Variants in CAPN13 observed in about 807,000 individuals in gnomAD.
CAPN13 encodes calpain-13.
In CAPN13, 90 loss-of-function variants were observed where a neutral mutation model predicts 98.4. That is an observed-to-expected ratio of 0.92 (90% CI 0.77 to 1.09). The LOEUF (loss-of-function observed/expected upper bound fraction) is 1.09, where lower values mean the gene tolerates loss of function less well. Among genes scored for constraint, CAPN13 ranks in the 50% least tolerant of loss-of-function variants. CAPN13 has a pLI of 0.00. For missense variants in CAPN13, 887 were observed against 841.3 expected, an observed-to-expected ratio of 1.05 and a Z score of -0.67; for synonymous variants, 330 against 305.5, an observed-to-expected ratio of 1.08 and a Z score of -0.84.
chr2:30,754,453 G>C, intron 8 of CAPN13, 89 bp from the exon 9 acceptor site: 1 of 1,076,136 alleles, frequency 9.3e-7, no homozygotes, highest in Non-Finnish European at 1.3e-6. Context: ...CTCTGTACAT[G>C]TCACCATTCC....
intron 1 of CAPN13, among the ~76,000 whole-genome samples, chr2:30,796,765 C>T (rs369097575): frequency 2.0e-4 from 31 of 152,228 alleles, no homozygotes; most frequent in East Asian, 7.7e-4. Flanking sequence ...ATATTTTGTA[C>T]GCCTCACTTG....
rs150296652 is a variant in CAPN13, at chr2:30,770,942, C to T, written c.388-493G>A. 2.1e-3 allele frequency among the ~76,000 whole-genome samples: 317 copies of T among 152,260 alleles called. 2 individuals are homozygous for T. The East Asian group carries it at 0.031, about 15-fold the overall frequency. On this transcript the variant is annotated intron_variant, in intron 4 of 22. Transcript: ENST00000295055. ...AGGGAGACAGGGAAGGTATCCCAGACAGGAGGCACACTGTGGGCAAAGGCC... is the reference window on the plus strand; with the variant it reads ...AGGGAGACAGGGAAGGTATCCCAGATAGGAGGCACACTGTGGGCAAAGGCC...
intron 1 of CAPN13, among the ~76,000 whole-genome samples, chr2:30,800,116 A>AAAGAAAAGAAAGAAAAGAAAG (rs1444108248): frequency 3.5e-5 from 3 of 85,596 alleles, no homozygotes; most frequent in African/African-American, 1.4e-4. Flanking sequence ...GAAAAGAAAG[A>AAAGAAAAGAAAGAAAAGAAAG]AAAGAAAGAA....
At chr2:30,784,094 C>T (rs1674132912) in intron 2 of CAPN13, among the ~76,000 whole-genome samples, 3 of 151,938 alleles carry the variant, frequency 2.0e-5, no homozygotes, top group East Asian at 1.9e-4. Context: ...GCAGGAGAAT[C>T]GCTTGAACCC....
intron 15 of CAPN13, among the ~76,000 whole-genome samples, chr2:30,740,607 T>C (rs1671605435): frequency 6.6e-6 from 1 of 152,244 alleles, no homozygotes; most frequent in Non-Finnish European, 1.5e-5. Context: ...TCTTTTCTGC[T>C]TCCCAGCCAT....
chr2:30,768,721 T>C (rs1166551942), intron 5 of CAPN13, among the ~76,000 whole-genome samples: 2 of 130,474 alleles, frequency 1.5e-5, no homozygotes, highest in African/African-American at 9.1e-5. Flanking sequence ...ATCCACATTC[T>C]TTTTCTCCTC....
intron 14 of CAPN13, 36 bp downstream of exon 14, chr2:30,742,290 A>T (rs1204210506): frequency 1.3e-6 from 2 of 1,590,932 alleles, no homozygotes; most frequent in Admixed American, 3.5e-5. Context: ...GATGGGGCCA[A>T]TGAGGCTCGC....
At chr2:30,750,059 A>G (rs1371922544) in intron 11 of CAPN13, among the ~76,000 whole-genome samples, 8 of 152,224 alleles carry the variant, frequency 5.3e-5, no homozygotes, top group Admixed American at 5.2e-4. Flanking sequence ...GAATCAACCT[A>G]AATGCCCATC....
Position 30,736,522 on chromosome 2 carries a change from T to G in CAPN13, c.1703A>C (p.Lys568Thr), listed in dbSNP as rs776202493. The G allele has an allele frequency of 6.2e-7, 1 of 1,613,906 alleles. No individual in the cohort carries two copies. The highest frequency in any genetic ancestry group is 8.5e-7 in the Non-Finnish European group (1 of 1,179,834). Reference protein sequence around the residue: ...LDQEEFARLWKRLVHYQHVFQ... With the variant: ...LDQEEFARLWTRLVHYQHVFQ... ...CCGTACCTGGTAGTGAACAAGGCGC[T>G]TCCACAGTCGCGCAAACTCCTCTTG... Residue 568 changes from lysine (K) to threonine (T), a missense_variant, in exon 18 of 23, where the codon AAG (lysine) becomes ACG (threonine). Transcript: ENST00000295055.
chr2:30,782,789 T>C (rs986805120), intron 2 of CAPN13, among the ~76,000 whole-genome samples: 21 of 152,240 alleles, frequency 1.4e-4, no homozygotes, highest in Non-Finnish European at 4.4e-5. Flanking sequence ...AAGATGAAAT[T>C]TCAGTTTATC....
At chr2:30,775,022 C>G (rs1464061439) in intron 4 of CAPN13, among the ~76,000 whole-genome samples, 2 of 151,978 alleles carry the variant, frequency 1.3e-5, no homozygotes, top group Admixed American at 6.6e-5. Context: ...TGTGACAAAG[C>G]AAGAGAGCAA....
chr2:30,747,840 T>C (rs368547411), intron 11 of CAPN13, among the ~76,000 whole-genome samples: 1 of 152,212 alleles, frequency 6.6e-6, no homozygotes, highest in Admixed American at 6.5e-5. Context: ...TCAATCAGGA[T>C]CTTGCAAGAT....
rs1285939862 is a variant in CAPN13, at chr2:30,787,129, T to C, written c.197A>G (p.Gln66Arg). The C allele has an allele frequency of 6.4e-7, 1 of 1,557,232 alleles. No homozygotes were observed. The highest frequency in any genetic ancestry group is 1.9e-5 in the Admixed American group (1 of 52,034). ...RLSNVIWKRP[Q>R]DLPGGPPHFI... Reference sequence around the variant, plus strand: ...TATGCTCGTGTGGGGCTCACTCACCTGTGGCCGCTTCCATATCACATTGGA... The same window carrying C: ...TATGCTCGTGTGGGGCTCACTCACCCGTGGCCGCTTCCATATCACATTGGA... The change falls in exon 2 of 23, where the codon CAG becomes CGG. Residue 66 changes from glutamine to arginine, a missense_variant and splice_region_variant. Coordinates refer to ENST00000295055, the MANE Select transcript of CAPN13 (RefSeq NM_144575.3).
chr2:30,754,146 G>C, intron 9 of CAPN13, 144 bp downstream of exon 9: 1 of 517,428 alleles, frequency 1.9e-6, no homozygotes, highest in Non-Finnish European at 3.2e-6. Flanking sequence ...AAGTTTTTGT[G>C]TCTTGGTAGA....
chr2:30,767,832 C>T (rs1673187334), intron 5 of CAPN13, among the ~76,000 whole-genome samples: 1 of 152,168 alleles, frequency 6.6e-6, no homozygotes, highest in Admixed American at 6.5e-5. Context: ...GTGCTATCAC[C>T]ACCTCTAGGG....
At chr2:30,736,019 G>A (rs918874870) in intron 18 of CAPN13, among the ~76,000 whole-genome samples, 3 of 152,136 alleles carry the variant, frequency 2.0e-5, no homozygotes, top group Admixed American at 6.5e-5. Flanking sequence ...AGTGGGATGA[G>A]TGGAAAGGGC....
chr2:30,758,195 G>A (rs573859249), intron 7 of CAPN13, 58 bp from the exon 8 acceptor site: 6 of 1,301,368 alleles, frequency 4.6e-6, no homozygotes, highest in Non-Finnish European at 5.3e-6. Flanking sequence ...AGCAGAAAGG[G>A]GGATGAATGC....
At chr2:30,736,054 C>A (rs1415665780) in intron 18 of CAPN13, among the ~76,000 whole-genome samples, 1 of 152,076 alleles carries the variant, frequency 6.6e-6, no homozygotes, top group Non-Finnish European at 1.5e-5. Flanking sequence ...AAATAGGGAC[C>A]CACTTAGAGG....
intron 4 of CAPN13, among the ~76,000 whole-genome samples, chr2:30,771,029 C>A (rs1260703463): frequency 6.6e-6 from 1 of 152,214 alleles, no homozygotes. Flanking sequence ...CTCTGGCCCC[C>A]CTCTTCTTCC....
Sources: allele counts gnomAD v4.1 joint callset (sites outside exome capture counted in the v4.1 genomes callset), GRCh38; gene constraint gnomAD v4.1.1; transcripts MANE v1.5; gene names NCBI Gene and HGNC (gene_info 2026-07-23, HGNC 2026-07-21).